The following TEX11 variants were observed in gnomAD, a reference collection of about 807,000 sequenced individuals.
The protein encoded by TEX11 is testis-expressed protein 11.
A neutral mutation model predicts 84.4 loss-of-function variants in TEX11; 7 were observed. That is an observed-to-expected ratio of 0.08 (90% CI 0.05 to 0.16). TEX11 has a LOEUF of 0.16. Ranked by LOEUF, TEX11 falls within the 10% of genes least tolerant of loss-of-function variation. The pLI, the probability that TEX11 is intolerant of heterozygous loss-of-function variation, is 1.00. For missense variants in TEX11, 551 were observed against 660.5 expected (o/e 0.83, Z 1.82); for synonymous variants, 264 against 222.8 (o/e 1.18, Z -1.64).
chrX:70,586,465 G>A (rs1265721052), intron 25 of TEX11, among the ~76,000 whole-genome samples: 4 of 111,373 alleles, frequency 3.6e-5, no homozygotes, highest in African/African-American at 9.8e-5. Flanking sequence ...ATCCTAAAAC[G>A]CAACACCAAA....
At chrX:70,690,988 GA>G in intron 13 of TEX11, among the ~76,000 whole-genome samples, 1 of 111,356 alleles carries the variant, frequency 9.0e-6, no homozygotes, top group South Asian at 3.8e-4. Context: ...AACTCAAGGG[GA>G]AAAAAATCAA....
intron 11 of TEX11, among the ~76,000 whole-genome samples, chrX:70,733,674 GA>G (rs1452319544): frequency 1.8e-5 from 2 of 111,552 alleles, no homozygotes; most frequent in Admixed American, 9.5e-5. Context: ...GTGAGGATGT[GA>G]AAAAATAGGA....
At chrX:70,651,655 A>G in intron 16 of TEX11, 103 bp from the exon 17 acceptor site, 1 of 520,618 alleles carries the variant, frequency 1.9e-6, no homozygotes, top group Non-Finnish European at 3.1e-6. Context: ...AGGGATACTC[A>G]CAATGAAAAT....
chrX:70,832,803 A>G (rs758424347), intron 8 of TEX11, among the ~76,000 whole-genome samples: 7 of 111,912 alleles, frequency 6.3e-5, no homozygotes, highest in Non-Finnish European at 1.1e-4. Context: ...AATCTCTCAC[A>G]TCTCCAAATC....
chrX:70,680,568 G>C, intron 14 of TEX11, among the ~76,000 whole-genome samples: 1 of 33,481 alleles, frequency 3.0e-5, no homozygotes, highest in African/African-American at 7.5e-5. Context: ...AAACACCCAA[G>C]AATGATCAAT....
intron 13 of TEX11, among the ~76,000 whole-genome samples, chrX:70,685,126 G>A (rs2090177511): frequency 8.9e-6 from 1 of 112,240 alleles, no homozygotes; most frequent in Non-Finnish European, 1.9e-5. Context: ...CACTTCAGAA[G>A]GCCGAGGTTG....
chrX:70,890,960 G>A (rs989181150), intron 2 of TEX11, among the ~76,000 whole-genome samples: 12 of 112,191 alleles, frequency 1.1e-4, no homozygotes, highest in South Asian at 3.7e-4. Context: ...AGTAGGGGCC[G>A]ACTGACATCT....
At chrX:70,734,159 G>T (rs987963389) in intron 11 of TEX11, among the ~76,000 whole-genome samples, 3 of 110,523 alleles carry the variant, frequency 2.7e-5, no homozygotes, top group African/African-American at 9.9e-5. Context: ...GTTGTGGGTT[G>T]GGGGGAGTGG....
At chrX:70,514,281 T>C in the TEX11 span, among the ~76,000 whole-genome samples, 2 of 107,068 alleles carry the variant, frequency 1.9e-5, no homozygotes, top group African/African-American at 7.0e-5. Context: ...GATATAGCCC[T>C]CTACAGAGTT....
intron 9 of TEX11, among the ~76,000 whole-genome samples, chrX:70,778,209 A>C (rs2091014093): frequency 8.9e-6 from 1 of 112,034 alleles, no homozygotes; most frequent in African/African-American, 3.2e-5. Flanking sequence ...ACAGTTGTAA[A>C]TATATATCTA....
At chrX:70,807,182 T>C (rs2091224194) in intron 8 of TEX11, among the ~76,000 whole-genome samples, 1 of 111,683 alleles carries the variant, frequency 9.0e-6, no homozygotes, top group Non-Finnish European at 1.9e-5. Flanking sequence ...TTAAAGGCAC[T>C]AGAGCAGGGA....
chrX:70,579,673 A>G (rs1285120569), intron 25 of TEX11, among the ~76,000 whole-genome samples: 1 of 111,954 alleles, frequency 8.9e-6, no homozygotes, highest in Non-Finnish European at 1.9e-5. Flanking sequence ...TCTAATTTTT[A>G]AAATGAGCAA....
chrX:70,605,454 C>T lies in TEX11; in HGVS notation c.2014G>A (p.Ala672Thr). 1.7e-6 allele frequency: 2 copies of T among 1,209,869 alleles called. No individual in the cohort carries two copies. Among genetic ancestry groups the T allele is most frequent in the Non-Finnish European group, 2.2e-6 (2 of 894,329 alleles). The change falls in exon 24 of 30, where the codon GCA becomes ACA. Residue 672 changes from alanine (A) to threonine (T), a missense_variant. By Grantham distance (58) the Ala-to-Thr change is moderately conservative. Coordinates refer to ENST00000374333, the MANE Select transcript of TEX11 (RefSeq NM_031276.3). ...LIARKTCLLM[A>T]VAVDLEQGRK... is the part of the protein sequence containing the mutation. ...CCTTGCTCTAGATCAACTGCAACTG[C>T]CATAAGTAAACATGTTTTCCGTGCA...
At chrX:70,675,623 CCTTT>C (rs2090064757) in intron 15 of TEX11, among the ~76,000 whole-genome samples, 1 of 107,587 alleles carries the variant, frequency 9.3e-6, no homozygotes, top group Non-Finnish European at 1.9e-5. Flanking sequence ...TTCCCCTCTT[CCTTT>C]CTGTTTCTTT....
chrX:70,901,117 C>T (rs2091800989), intron 2 of TEX11, among the ~76,000 whole-genome samples: 1 of 110,425 alleles, frequency 9.1e-6, no homozygotes, highest in Non-Finnish European at 1.9e-5. Context: ...GAAACTGAGG[C>T]GGGAGGATCG....
intron 4 of TEX11, among the ~76,000 whole-genome samples, chrX:70,869,731 T>G (rs1440411238): frequency 9.1e-6 from 1 of 109,676 alleles, no homozygotes; most frequent in Non-Finnish European, 1.9e-5. Flanking sequence ...GAGTCAATAT[T>G]GCACCACTGC....
chrX:70,617,600 C>G (rs1231107012), intron 20 of TEX11, among the ~76,000 whole-genome samples: 1 of 109,587 alleles, frequency 9.1e-6, no homozygotes, highest in Non-Finnish European at 1.9e-5. Context: ...TGCCACATCT[C>G]AAGTATAAGT....
At chrX:70,530,053 C>A in intron 28 of TEX11, 54 bp from the exon 29 acceptor site, 1 of 1,029,705 alleles carries the variant, frequency 9.7e-7, no homozygotes, top group Non-Finnish European at 1.3e-6. Context: ...TTCATTGTGG[C>A]ACTACCTGTA....
At chrX:70,677,343 T>TA (rs2090081156) in intron 15 of TEX11, among the ~76,000 whole-genome samples, 2 of 111,430 alleles carry the variant, frequency 1.8e-5, no homozygotes, top group Non-Finnish European at 3.8e-5. Flanking sequence ...CCCCATGAAT[T>TA]AGAGGTTTTC....
Sources: gnomAD v4.1 joint callset for allele counts (sites outside exome capture counted in the v4.1 genomes callset) on GRCh38, gnomAD v4.1.1 for gene constraint, MANE v1.5 for transcripts, NCBI Gene and HGNC (gene_info 2026-07-23, HGNC 2026-07-21) for gene names.